OSBPL6: variants seen among roughly 807,000 people sequenced by gnomAD.
OSBPL6 encodes the protein oxysterol-binding protein-related protein 6.
OSBPL6 carries 49 observed loss-of-function variants against 125.8 expected under a neutral mutation model. The observed-to-expected ratio is 0.39, with a 90% confidence interval of 0.31 to 0.49. The LOEUF (loss-of-function observed/expected upper bound fraction) is 0.49. Ranked by LOEUF, OSBPL6 falls within the 20% of genes least tolerant of loss-of-function variation. OSBPL6 has a pLI of 0.88. For missense variants in OSBPL6, 986 were observed against 1,135.4 expected (o/e 0.87, Z 1.89); for synonymous variants, 394 against 391.8 (o/e 1.01, Z -0.07).
At chr2:178,299,854 A>G (rs760084973) in intron 2 of OSBPL6, among the ~76,000 whole-genome samples, 1 of 152,094 alleles carries the variant, frequency 6.6e-6, no homozygotes, top group African/African-American at 2.4e-5. Context: ...TGTCCACATC[A>G]AGGATGAGGG....
intron 17 of OSBPL6, among the ~76,000 whole-genome samples, 178 bp downstream of exon 17, chr2:178,383,455 A>G (rs1694668376): frequency 6.6e-6 from 1 of 152,238 alleles, no homozygotes; most frequent in African/African-American, 2.4e-5. Context: ...ATACCAACAC[A>G]GGAAGACACA....
chr2:178,379,939 C>T (rs960656870), intron 15 of OSBPL6, among the ~76,000 whole-genome samples: 3 of 152,204 alleles, frequency 2.0e-5, no homozygotes, highest in Non-Finnish European at 4.4e-5. Flanking sequence ...GAACTCTTCT[C>T]AACCCTAATT....
rs562065344 is a variant in OSBPL6 at position 178,270,043 on chromosome 2, C to T, written c.-350-14884C>T. Among the ~76,000 whole-genome samples, 224 of 152,304 alleles carry T rather than the reference C, an allele frequency of 1.5e-3. 1 individual carries two copies. Among genetic ancestry groups the T allele is most frequent in the Non-Finnish European group, 2.8e-3 (193 of 68,028 alleles). Reference sequence around the variant, plus strand: ...TTGTTCAGGTATGGGTTAGTGGCCACAGCCTCTCTTTGCTCCCTGAGTAGG... The same window carrying T: ...TTGTTCAGGTATGGGTTAGTGGCCATAGCCTCTCTTTGCTCCCTGAGTAGG... On this transcript the variant is annotated intron_variant, in intron 1 of 24. Coordinates refer to ENST00000190611, the MANE Select transcript of OSBPL6 (RefSeq NM_032523.4).
Position 178,316,723 on chromosome 2 carries a change from G to A in OSBPL6, c.103-7454G>A, listed in dbSNP as rs545495183. ...CTTACATCGCATTTACATAGTATTA[G>A]GTATCACAAGTAATATGGAGATGAT... On this transcript the variant is annotated intron_variant, in intron 3 of 24. Coordinates refer to ENST00000190611, the MANE Select transcript of OSBPL6 (RefSeq NM_032523.4). 2.6e-5 allele frequency among the ~76,000 whole-genome samples: 4 copies of A among 152,172 alleles called. No homozygotes were observed. The South Asian group carries it at 8.3e-4, about 32-fold the overall frequency.
At chr2:178,210,272 G>A (rs1429564115) in intron 1 of OSBPL6, among the ~76,000 whole-genome samples, 5 of 151,734 alleles carry the variant, frequency 3.3e-5, no homozygotes, top group African/African-American at 9.7e-5. Context: ...TGATCCTCCC[G>A]CCTCCCAAAG....
intron 1 of OSBPL6, among the ~76,000 whole-genome samples, chr2:178,281,939 T>G (rs1684230166): frequency 6.6e-6 from 1 of 152,154 alleles, no homozygotes; most frequent in African/African-American, 2.4e-5. Context: ...ATCCTGCACA[T>G]GTACCCCAGA....
chr2:178,356,692 C>T (rs1177107661), intron 12 of OSBPL6, among the ~76,000 whole-genome samples: 1 of 152,142 alleles, frequency 6.6e-6, no homozygotes, highest in Non-Finnish European at 1.5e-5. Flanking sequence ...CAGTGCCATC[C>T]CCATCAAGCT....
chr2:178,237,270 A>G (rs910706719), intron 1 of OSBPL6, among the ~76,000 whole-genome samples: 3 of 152,164 alleles, frequency 2.0e-5, no homozygotes, highest in Non-Finnish European at 2.9e-5. Context: ...TTCTGTCCCC[A>G]TATCTCTGCA....
rs764431357 is a variant in OSBPL6 at position 178,390,868 on chromosome 2, C to T, written c.2302-205C>T. Among the ~76,000 whole-genome samples, 8 of 152,148 alleles carry T rather than the reference C, an allele frequency of 5.3e-5. No homozygotes were observed. In the East Asian group the frequency reaches 1.2e-3, roughly 22 times the overall value. Reference sequence around the variant, plus strand: ...CTCTGTGATATACTACCATGTTATGCGTGGAATAGAGACCATCCCTTTCTT... The same window carrying T: ...CTCTGTGATATACTACCATGTTATGTGTGGAATAGAGACCATCCCTTTCTT... On this transcript the variant is annotated intron_variant, in intron 21 of 24. Coordinates refer to ENST00000190611, the MANE Select transcript of OSBPL6 (RefSeq NM_032523.4).
intron 1 of OSBPL6, among the ~76,000 whole-genome samples, chr2:178,265,242 T>G (rs2154020641): frequency 7.8e-6 from 1 of 127,876 alleles, no homozygotes; most frequent in Non-Finnish European, 1.6e-5. Context: ...GATAGCATCT[T>G]GCTCTGTCAC....
Position 178,384,074 on chromosome 2 carries a change from C to T in OSBPL6, c.1911C>T (p.Cys637=), listed in dbSNP as rs776879640. 1 of 1,614,124 alleles carries T rather than the reference C, an allele frequency of 6.2e-7. No individual in the cohort carries two copies. Among genetic ancestry groups the T allele is most frequent in the Admixed American group, 1.7e-5 (1 of 60,030 alleles). Residue 637 remains cysteine (C), a synonymous_variant, in exon 18 of 25, where the codon TGC becomes TGT. Coordinates refer to ENST00000190611, the MANE Select transcript of OSBPL6 (RefSeq NM_032523.4). ...LVAAFAVSGY[C]STYFRAGSKP... ...CCGCATTTGCAGTTTCAGGATACTGCTCCACCTATTTCAGAGCAGGAAGTA... is the reference window on the plus strand; with the variant it reads ...CCGCATTTGCAGTTTCAGGATACTGTTCCACCTATTTCAGAGCAGGAAGTA...
chr2:178,310,618 C>T (rs188802806), intron 3 of OSBPL6, among the ~76,000 whole-genome samples: 2,770 of 151,980 alleles, frequency 0.018, 47 homozygotes, highest in Admixed American at 0.047. Flanking sequence ...AGGGTTTCAC[C>T]GTGTTAGCCA....
chr2:178,270,364 A>T (rs905003549), intron 1 of OSBPL6, among the ~76,000 whole-genome samples: 1 of 152,210 alleles, frequency 6.6e-6, no homozygotes, highest in East Asian at 1.9e-4. Flanking sequence ...AAAAGGTAAC[A>T]TTGAGCACTT....
At chr2:178,236,357 C>T (rs765496815) in intron 1 of OSBPL6, among the ~76,000 whole-genome samples, 1 of 152,174 alleles carries the variant, frequency 6.6e-6, no homozygotes, top group Non-Finnish European at 1.5e-5. Context: ...CACTTTTTAC[C>T]ACAGTGGAGT....
chr2:178,385,376 G>T, intron 18 of OSBPL6, 82 bp from the exon 19 acceptor site: 1 of 981,906 alleles, frequency 1.0e-6, no homozygotes, highest in South Asian at 1.4e-5. Context: ...TATACATTTT[G>T]AGAATAATTC....
At chr2:178,238,417 A>G (rs1038725431) in intron 1 of OSBPL6, among the ~76,000 whole-genome samples, 1 of 152,162 alleles carries the variant, frequency 6.6e-6, no homozygotes, top group Non-Finnish European at 1.5e-5. Flanking sequence ...ATTTTACGTA[A>G]TAATGGCCCC....
intron 18 of OSBPL6, 87 bp from the exon 19 acceptor site, chr2:178,385,371 A>G (rs1694853428): frequency 2.1e-6 from 2 of 953,864 alleles, no homozygotes; most frequent in Admixed American, 4.2e-5. Context: ...TTACTTATAC[A>G]TTTTGAGAAT....
intron 15 of OSBPL6, among the ~76,000 whole-genome samples, chr2:178,379,730 G>A (rs1359990821): frequency 1.3e-5 from 2 of 152,078 alleles, no homozygotes; most frequent in Admixed American, 1.3e-4. Context: ...CTTTTCATGA[G>A]CCTGATGGTT....
chr2:178,326,488 T>C (rs1335814449), intron 4 of OSBPL6, among the ~76,000 whole-genome samples: 3 of 152,152 alleles, frequency 2.0e-5, no homozygotes, highest in Non-Finnish European at 4.4e-5. Flanking sequence ...AGAAAAAATA[T>C]CAACTGAAAT....
Sources: allele counts gnomAD v4.1 joint callset (sites outside exome capture counted in the v4.1 genomes callset), GRCh38; gene constraint gnomAD v4.1.1; transcripts MANE v1.5; gene names NCBI Gene and HGNC (gene_info 2026-07-23, HGNC 2026-07-21).